Variants in RNF17 observed in about 807,000 individuals in gnomAD.
The protein encoded by RNF17 is spermatogenesis associated 23.
A neutral mutation model predicts 200.5 loss-of-function variants in RNF17; 31 were observed. The ratio of observed to expected loss-of-function variants is 0.15; its 90% confidence interval spans 0.12 to 0.21. The LOEUF is 0.21. Among genes scored for constraint, RNF17 ranks in the 10% least tolerant of loss-of-function variants. The pLI is 1.00. For synonymous variants in RNF17, 606 were observed against 637.8 expected (o/e 0.95, Z 0.75); for missense variants, 1,628 against 1,905.1 (o/e 0.85, Z 2.71).
At chr13:24,779,090 G>T (rs1035524535) in intron 4 of RNF17, among the ~76,000 whole-genome samples, 1 of 151,972 alleles carries the variant, frequency 6.6e-6, no homozygotes, top group Non-Finnish European at 1.5e-5. Context: ...CCAGTTACTC[G>T]CAAGGCTGAG....
intron 22 of RNF17, among the ~76,000 whole-genome samples, chr13:24,845,449 T>G (rs1038091662): frequency 3.9e-5 from 6 of 152,156 alleles, no homozygotes; most frequent in African/African-American, 1.4e-4. Flanking sequence ...TCTACTGGAA[T>G]CCCACTATAA....
At chr13:24,814,271 T>G (rs998870869) in intron 15 of RNF17, among the ~76,000 whole-genome samples, 68 of 152,168 alleles carry the variant, frequency 4.5e-4, no homozygotes, top group African/African-American at 1.6e-3. Context: ...TGCACATAAT[T>G]GGAACTGCGT....
At chr13:24,796,369 G>C (rs981462079) in intron 11 of RNF17, 74 bp downstream of exon 11, 28 of 969,096 alleles carry the variant, frequency 2.9e-5, no homozygotes, top group Non-Finnish European at 4.0e-5. Context: ...ACCCACATAA[G>C]ACTTGTTATA....
At chr13:24,838,486 C>A (rs894464478) in intron 18 of RNF17, among the ~76,000 whole-genome samples, 1 of 152,114 alleles carries the variant, frequency 6.6e-6, no homozygotes, top group African/African-American at 2.4e-5. Flanking sequence ...AATCCATGAT[C>A]AAGTGAGTTT....
intron 33 of RNF17, 73 bp from the exon 34 acceptor site, chr13:24,876,924 C>T: frequency 2.4e-6 from 3 of 1,240,812 alleles, no homozygotes; most frequent in African/African-American, 3.1e-5. Flanking sequence ...AGCGTTTCCC[C>T]TATGTTTTCT....
intron 18 of RNF17, among the ~76,000 whole-genome samples, chr13:24,835,514 C>A (rs1889891007): frequency 6.6e-6 from 1 of 152,154 alleles, no homozygotes; most frequent in Admixed American, 6.5e-5. Flanking sequence ...GCAGACAACC[C>A]CCAGTACCAG....
chr13:24,814,470 T>C (rs79360259), intron 15 of RNF17, among the ~76,000 whole-genome samples: 2,972 of 152,360 alleles, frequency 0.02, 93 homozygotes, highest in African/African-American at 0.067. Flanking sequence ...TCTGACATCA[T>C]GATGCTTCTT....
chr13:24,799,704 G>A (rs1885011394), intron 12 of RNF17, 120 bp downstream of exon 12: 1 of 632,468 alleles, frequency 1.6e-6, no homozygotes, highest in Non-Finnish European at 2.7e-6. Flanking sequence ...TAACTTCCAA[G>A]ACATACGTTT....
chr13:24,874,040 T>C, intron 32 of RNF17, 74 bp from the exon 33 acceptor site: 1 of 1,478,666 alleles, frequency 6.8e-7, no homozygotes, highest in Non-Finnish European at 9.3e-7. Flanking sequence ...AGCCCTTTGA[T>C]ATGCTGATTT....
intron 16 of RNF17, among the ~76,000 whole-genome samples, chr13:24,829,178 C>T (rs1259649125): frequency 1.3e-5 from 2 of 152,134 alleles, no homozygotes; most frequent in East Asian, 1.9e-4. Flanking sequence ...GTTGGCTATA[C>T]ACTTCATTGT....
rs777404788 is a variant in RNF17 at position 24,764,297 on chromosome 13, T to C, written c.94T>C (p.Cys32Arg). 10 of 1,611,290 alleles carry C rather than the reference T, an allele frequency of 6.2e-6. No homozygotes were observed. The South Asian group carries it at 6.6e-5, about 11-fold the overall frequency. Residue 32 changes from cysteine (C) to arginine (R), a missense_variant, in exon 1 of 36, where the codon TGC (cysteine) becomes CGC (arginine). Cys to Arg is a radical substitution (Grantham distance 180). Coordinates refer to ENST00000255324, the MANE Select transcript of RNF17 (RefSeq NM_031277.3). The part of the protein sequence containing the change: ...SQPWGAAEIQ[C>R]TRCGRRVSRS... The stretch of plus-strand genomic sequence containing the variant: ...GCCCTGGGGTGCCGCTGAAATCCAG[T>C]GCACCAGGTGTGGAAGGAGGGTATC...
At chr13:24,748,143 G>C in the RNF17 span, among the ~76,000 whole-genome samples, 1 of 152,254 alleles carries the variant, frequency 6.6e-6, no homozygotes, top group Non-Finnish European at 1.5e-5. Flanking sequence ...GCGAGGGTCA[G>C]GGTCCTGGAA....
intron 7 of RNF17, among the ~76,000 whole-genome samples, chr13:24,788,560 G>A (rs1453081496): frequency 1.3e-5 from 2 of 152,064 alleles, no homozygotes; most frequent in Non-Finnish European, 2.9e-5. Flanking sequence ...TTTAGGTGTG[G>A]CTGTCAACTC....
intron 2 of RNF17, among the ~76,000 whole-genome samples, chr13:24,770,282 C>T (rs1880475007): frequency 6.6e-6 from 1 of 151,960 alleles, no homozygotes. Context: ...CATTTACAAG[C>T]AACAAAAGCA....
chr13:24,796,314 A>G lies in RNF17; in HGVS notation c.1399+19A>G. ...GAACTAGGTAATGAAATATTAGTCC[A>G]AGTTAAAATATCAAATTTATTTAAA... On this transcript the variant is annotated intron_variant, in intron 11 of 35. Transcript: ENST00000255324. 6.6e-7 allele frequency: 1 copy of G among 1,513,478 alleles called. No individual in the cohort carries two copies. Among genetic ancestry groups the G allele is most frequent in the Non-Finnish European group, 8.9e-7 (1 of 1,121,438 alleles). The allele number at this position is 1,513,478 out of a possible 1,614,324, so 93.8% of individuals were successfully genotyped here.
At chr13:24,884,252 A>T (rs778295600), downstream of RNF17, 2 of 1,613,992 alleles carry the variant, frequency 1.2e-6, no homozygotes, top group South Asian at 2.2e-5. Flanking sequence ...AGATCTGTAA[A>T]GACACACAGT....
upstream of RNF17, among the ~76,000 whole-genome samples, chr13:24,763,816 A>G (rs996811700): frequency 2.1e-4 from 32 of 152,246 alleles, no homozygotes; most frequent in African/African-American, 7.2e-4. Flanking sequence ...TGCCCGAAGC[A>G]CACAGGTTTA....
rs990976403 is a variant in RNF17 at position 24,764,272 on chromosome 13, G to C, written c.69G>C (p.Gln23His). The change falls in exon 1 of 36, where the codon CAG becomes CAC. Residue 23 changes from glutamine to histidine, a missense_variant. By Grantham distance (24) the Gln-to-His change is conservative. Around this residue, in one of 5 missense-constraint regions of RNF17, gnomAD observed 502 missense variants for 501.7 expected, o/e 1.00. Coordinates refer to ENST00000255324, the MANE Select transcript of RNF17 (RefSeq NM_031277.3). ...ACCAGCGAATGGGGAGGAAGAGTCA[G>C]CCCTGGGGTGCCGCTGAAATCCAGT... ...SSYQRMGRKS[Q>H]PWGAAEIQCT... 2 of 1,611,526 alleles carry C rather than the reference G, an allele frequency of 1.2e-6. No individual in the cohort carries two copies. Among genetic ancestry groups the C allele is most frequent in the Non-Finnish European group, 1.7e-6 (2 of 1,178,198 alleles).
chr13:24,783,704 A>ATG (rs35555060), intron 6 of RNF17, among the ~76,000 whole-genome samples: 130,559 of 152,018 alleles, frequency 0.86, 56,145 homozygotes, highest in Middle Eastern at 0.93. Context: ...TTATTTTTAT[A>ATG]TTGATTTTTG....
Sources: allele counts gnomAD v4.1 joint callset (sites outside exome capture counted in the v4.1 genomes callset), GRCh38; gene constraint gnomAD v4.1.1; regional missense constraint gnomAD v4.1.1; transcripts MANE v1.5; gene names NCBI Gene and HGNC (gene_info 2026-07-23, HGNC 2026-07-21).